The following CCM2 variants were observed in gnomAD, a reference collection of about 807,000 sequenced individuals.
The protein encoded by CCM2 is cerebral cavernous malformations 2 protein.
CCM2 carries 25 observed loss-of-function variants against 44.9 expected under a neutral mutation model. The ratio of observed to expected loss-of-function variants is 0.56; its 90% CI spans 0.41 to 0.78. The LOEUF (loss-of-function observed/expected upper bound fraction) is 0.78. Ranked by LOEUF, CCM2 falls within the 30% of genes least tolerant of loss-of-function variation. The pLI, the probability that CCM2 is intolerant of heterozygous loss-of-function variation, is 0.00. For missense variants in CCM2, 481 were observed against 580.6 expected, an observed-to-expected ratio of 0.83 and a Z score of 1.76; for synonymous variants, 219 against 241.1, an observed-to-expected ratio of 0.91 and a Z score of 0.85.
rs1478351387 is a variant in CCM2 at position 45,072,727 on chromosome 7, T to C, written c.747T>C (p.Asp249=). ...TAGTTTTCTGCATCTTCCTTACAGATGACTCTTCTACAAAAGTGGACATTA... is the reference window on the plus strand; with the variant it reads ...TAGTTTTCTGCATCTTCCTTACAGACGACTCTTCTACAAAAGTGGACATTA... ...TPTHHLSLHS[D]DSSTKVDIKE... The change falls in exon 7 of 10, where the codon GAT becomes GAC. Residue 249 remains aspartate (D), a splice_region_variant and synonymous_variant. Transcript: ENST00000258781. 6.2e-7 allele frequency: 1 copy of C among 1,612,318 alleles called. No homozygotes were observed. Among genetic ancestry groups the C allele is most frequent in the South Asian group, 1.1e-5 (1 of 91,022 alleles).
intron 2 of CCM2, among the ~76,000 whole-genome samples, chr7:45,050,012 A>G (rs1320928351): frequency 1.3e-5 from 2 of 152,268 alleles, no homozygotes; most frequent in African/African-American, 4.8e-5. Flanking sequence ...ATATTGGTCA[A>G]CGACAGACCA....
Position 45,076,406 on chromosome 7 carries a change from ACT to A in CCM2, c.*353_*354del, listed in dbSNP as rs1261411876. On this transcript the variant is annotated 3_prime_UTR_variant, in exon 10 of 10. Transcript: ENST00000258781. ...TTTTGCACATGATGTTCCTATTGTA[ACT>A]CTCAGAGACCTTAAAAAGAAGTTTA... 2.1e-5 allele frequency: 9 copies of A among 432,380 alleles called. No homozygotes were observed. The highest frequency in any genetic ancestry group is 1.7e-4 in the South Asian group (9 of 52,372). 26.8% of individuals were successfully genotyped at this position (432,380 alleles called of 1,614,324 possible). A position where few individuals can be genotyped will look rare whatever the true frequency, so the allele number is the denominator to read the frequency against.
chr7:45,012,471 C>T (rs191814703), intron 1 of CCM2, among the ~76,000 whole-genome samples: 1 of 152,256 alleles, frequency 6.6e-6, no homozygotes, highest in East Asian at 1.9e-4. Context: ...TTCATTATGA[C>T]ATGACCATCT....
At chr7:45,066,577 G>A (rs1798784968) in intron 4 of CCM2, among the ~76,000 whole-genome samples, 1 of 152,214 alleles carries the variant, frequency 6.6e-6, no homozygotes, top group Non-Finnish European at 1.5e-5. Flanking sequence ...AAAGTACGCT[G>A]GTATTTGGGA....
rs956808709 is a variant in CCM2 at position 45,069,990 on chromosome 7, G to C, written c.745+29G>C. The C allele has an allele frequency of 1.9e-6, 3 of 1,611,792 alleles. No individual in the cohort carries two copies. In the African/African-American group the frequency reaches 4.0e-5, roughly 22 times the overall value. On this transcript the variant is annotated intron_variant, in intron 6 of 9. Transcript: ENST00000258781. ...TGTTGAGTGAGAGTGGGCAGCGGGT[G>C]GGAGCAGGGACAGGAGGGGCTACTG...
At chr7:45,017,002 C>T (rs1010986863) in intron 1 of CCM2, among the ~76,000 whole-genome samples, 1 of 152,056 alleles carries the variant, frequency 6.6e-6, no homozygotes, top group Non-Finnish European at 1.5e-5. Flanking sequence ...ATCTCCTGAC[C>T]TCGTGATCCA....
intron 1 of CCM2, among the ~76,000 whole-genome samples, chr7:45,023,877 C>T (rs1796586328): frequency 7.7e-6 from 1 of 130,030 alleles, no homozygotes; most frequent in African/African-American, 2.9e-5. Flanking sequence ...ATGGCACAAT[C>T]TTGGCTCACT....
chr7:45,023,612 C>T (rs955332257), intron 1 of CCM2, among the ~76,000 whole-genome samples: 4 of 152,172 alleles, frequency 2.6e-5, no homozygotes, highest in Admixed American at 2.0e-4. Context: ...TTTACAAAAA[C>T]AGGTGGCTTG....
chr7:44,999,766 G>C (rs1010745228), upstream of CCM2: 9 of 450,530 alleles, frequency 2.0e-5, no homozygotes, highest in Non-Finnish European at 3.1e-5. Context: ...GTCGGCCGCC[G>C]TAAAGATGGC....
At chr7:45,075,202 G>A (rs573736104) in intron 9 of CCM2, among the ~76,000 whole-genome samples, 54 of 152,338 alleles carry the variant, frequency 3.5e-4, no homozygotes, top group African/African-American at 6.7e-4. Context: ...TGGGCCCTGC[G>A]TTGCCTCCTG....
chr7:45,073,112 C>T (rs991672542), intron 7 of CCM2: 10 of 581,824 alleles, frequency 1.7e-5, no homozygotes, highest in Non-Finnish European at 3.1e-5. Flanking sequence ...TCTCTGCCAC[C>T]ACCTGGGGCT....
intron 2 of CCM2, among the ~76,000 whole-genome samples, chr7:45,043,876 G>A (rs775136337): frequency 3.3e-5 from 5 of 152,048 alleles, no homozygotes; most frequent in Non-Finnish European, 7.4e-5. Flanking sequence ...GAATTAAATT[G>A]TTTGTTTCTA....
At chr7:45,022,500 G>A (rs1188249207) in intron 1 of CCM2, among the ~76,000 whole-genome samples, 1 of 151,290 alleles carries the variant, frequency 6.6e-6, no homozygotes, top group Non-Finnish European at 1.5e-5. Context: ...TAGAGACGGG[G>A]TTTCACCGTG....
At chr7:45,063,010 C>T (rs1562905923) in intron 2 of CCM2, 3 of 151,970 alleles carry the variant, frequency 2.0e-5, no homozygotes, top group Admixed American at 2.0e-4. Flanking sequence ...CAAACCCTCT[C>T]CCAGGATAAC....
At chr7:45,040,398 AGTCCC>A (rs1328969046) in intron 2 of CCM2, among the ~76,000 whole-genome samples, 30 of 152,208 alleles carry the variant, frequency 2.0e-4, no homozygotes, top group African/African-American at 7.0e-4. Flanking sequence ...AGTAAAAAAA[AGTCCC>A]AGAAAGAATA....
chr7:45,052,260 A>G (rs1301067138), intron 2 of CCM2, among the ~76,000 whole-genome samples: 2 of 152,246 alleles, frequency 1.3e-5, no homozygotes, highest in African/African-American at 2.4e-5. Flanking sequence ...GCCAGCAGAC[A>G]GGACAACTGG....
At chr7:45,073,759 T>G in intron 8 of CCM2, 188 bp downstream of exon 8, 1 of 597,356 alleles carries the variant, frequency 1.7e-6, no homozygotes, top group Non-Finnish European at 3.0e-6. Flanking sequence ...AGAGCATCAG[T>G]CAGTGGGGCT....
At chr7:45,061,145 A>G (rs548824221) in intron 2 of CCM2, among the ~76,000 whole-genome samples, 5 of 152,298 alleles carry the variant, frequency 3.3e-5, no homozygotes, top group Admixed American at 1.3e-4. Context: ...CAGTTCTTAT[A>G]GGTGTGCATC....
chr7:45,071,792 G>T (rs1378631328), intron 6 of CCM2: 1 of 456,650 alleles, frequency 2.2e-6, no homozygotes, highest in East Asian at 6.9e-5. Flanking sequence ...TCCTTTGACT[G>T]TCAGCTTCCT....
Sources: allele counts gnomAD v4.1 joint callset (sites outside exome capture counted in the v4.1 genomes callset), GRCh38; gene constraint gnomAD v4.1.1; transcripts MANE v1.5; gene names NCBI Gene and HGNC (gene_info 2026-07-23, HGNC 2026-07-21).